SENP7: variants seen among roughly 807,000 people sequenced by gnomAD.
The protein encoded by SENP7 is sentrin-specific protease 7.
Under a neutral mutation model 141.2 loss-of-function variants are expected in SENP7, and 64 were observed. That is an observed-to-expected ratio of 0.45 (90% confidence interval 0.37 to 0.56). The LOEUF (loss-of-function observed/expected upper bound fraction) is 0.56. Ranked by LOEUF, SENP7 falls within the 20% of genes least tolerant of loss-of-function variation. The probability of loss-of-function intolerance (pLI) is 0.00; values close to 1 mark genes in which losing one functional copy is unlikely to be tolerated. For missense variants in SENP7, 1,025 were observed against 1,212.2 expected (o/e 0.85, Z 2.29); for synonymous variants, 382 against 426.4 (o/e 0.90, Z 1.28).
intron 4 of SENP7, among the ~76,000 whole-genome samples, chr3:101,427,144 G>C (rs1052712432): frequency 6.6e-6 from 1 of 152,024 alleles, no homozygotes; most frequent in Non-Finnish European, 1.5e-5. Context: ...TATTCATCAC[G>C]ATCAAGCAGG....
At chr3:101,337,375 C>A (rs1216256991) in intron 17 of SENP7, 134 bp downstream of exon 17, 1 of 521,556 alleles carries the variant, frequency 1.9e-6, no homozygotes, top group Non-Finnish European at 3.2e-6. Context: ...GCTCTCATGG[C>A]AAACAGACCC....
At chr3:101,410,365 G>A (rs1210823870) in intron 5 of SENP7, among the ~76,000 whole-genome samples, 1 of 152,116 alleles carries the variant, frequency 6.6e-6, no homozygotes, top group Admixed American at 6.5e-5. Flanking sequence ...GGAAAACAGT[G>A]CGGAGATTCC....
chr3:101,428,123 A>T (rs1361586969), intron 4 of SENP7, among the ~76,000 whole-genome samples: 1 of 152,116 alleles, frequency 6.6e-6, no homozygotes, highest in African/African-American at 2.4e-5. Flanking sequence ...TGGTTCCAAG[A>T]CTTTATTATT....
chr3:101,493,236 T>C (rs1242031638), intron 3 of SENP7, among the ~76,000 whole-genome samples: 1 of 152,098 alleles, frequency 6.6e-6, no homozygotes, highest in Non-Finnish European at 1.5e-5. Context: ...CTGGGGCCTT[T>C]CAGAGGTTGG....
chr3:101,347,427 A>C (rs1294308843), intron 13 of SENP7: 1 of 152,218 alleles, frequency 6.6e-6, no homozygotes, highest in African/African-American at 2.4e-5. Context: ...CCTAAAATTA[A>C]GAAACAAAAT....
chr3:101,379,504 A>G (rs1393984544), intron 6 of SENP7, among the ~76,000 whole-genome samples: 1 of 152,190 alleles, frequency 6.6e-6, no homozygotes, highest in Non-Finnish European at 1.5e-5. Context: ...AAAAAATCCA[A>G]TTCAAAAGCA....
At chr3:101,345,100 C>G (rs1434790554) in intron 13 of SENP7, among the ~76,000 whole-genome samples, 2 of 148,448 alleles carry the variant, frequency 1.3e-5, no homozygotes, top group African/African-American at 2.5e-5. Context: ...CAGTACCATA[C>G]TGTTTTGGTG....
chr3:101,472,844 T>C (rs1047821165), intron 3 of SENP7, among the ~76,000 whole-genome samples: 4 of 152,066 alleles, frequency 2.6e-5, no homozygotes, highest in Non-Finnish European at 4.4e-5. Flanking sequence ...TTATACAGAA[T>C]ATTTATGACC....
chr3:101,399,232 G>A (rs181591816), intron 5 of SENP7, among the ~76,000 whole-genome samples, 177 bp from the exon 6 acceptor site: 6 of 152,216 alleles, frequency 3.9e-5, no homozygotes, highest in Admixed American at 3.3e-4. Flanking sequence ...ACAATCTTTT[G>A]GTTTATAGAA....
chr3:101,421,584 G>T lies in SENP7; in HGVS notation c.285-3794C>A, dbSNP rs532146495. On this transcript the variant is annotated intron_variant, in intron 4 of 23. Transcript: ENST00000394095. ...CTCAGACCAAATAAGAATTTATATTGGAAAATAACAAATCATTGGTAATTT... is the reference window on the plus strand; with the variant it reads ...CTCAGACCAAATAAGAATTTATATTTGAAAATAACAAATCATTGGTAATTT... Among the ~76,000 whole-genome samples the T allele has an allele frequency of 7.2e-5, 11 of 152,102 alleles. No individual in the cohort carries two copies. In the South Asian group the frequency reaches 2.3e-3, roughly 32 times the overall value.
At chr3:101,360,242 T>C (rs746588131) in intron 11 of SENP7, among the ~76,000 whole-genome samples, 3 of 152,182 alleles carry the variant, frequency 2.0e-5, no homozygotes, top group Non-Finnish European at 4.4e-5. Flanking sequence ...CACAAACTAC[T>C]ATTATTTGCA....
chr3:101,361,535 AG>A (rs1164708263), intron 11 of SENP7, among the ~76,000 whole-genome samples, 179 bp downstream of exon 11: 1 of 152,102 alleles, frequency 6.6e-6, no homozygotes, highest in Non-Finnish European at 1.5e-5. Flanking sequence ...GTAGGATTTT[AG>A]GAGGGGAGAA....
chr3:101,329,508 G>T (rs1378144017), intron 20 of SENP7, among the ~76,000 whole-genome samples: 1 of 152,026 alleles, frequency 6.6e-6, no homozygotes, highest in Non-Finnish European at 1.5e-5. Flanking sequence ...TCATTAAGTG[G>T]CAATCTTAAT....
chr3:101,344,194 A>C (rs1021946058), intron 13 of SENP7, among the ~76,000 whole-genome samples: 4 of 152,236 alleles, frequency 2.6e-5, no homozygotes, highest in African/African-American at 9.6e-5. Flanking sequence ...ACTGATTGCT[A>C]TATCTGCAGT....
chr3:101,369,181 TAA>T (rs1483972551), intron 7 of SENP7, among the ~76,000 whole-genome samples: 8 of 152,226 alleles, frequency 5.3e-5, no homozygotes, highest in Admixed American at 5.2e-4. Flanking sequence ...CCTAATTGAC[TAA>T]AAGTTATCCT....
intron 4 of SENP7, among the ~76,000 whole-genome samples, chr3:101,452,977 G>A: frequency 6.6e-6 from 1 of 152,086 alleles, no homozygotes; most frequent in East Asian, 1.9e-4. Context: ...CTGACAGAGG[G>A]CTAATATCCA....
At chr3:101,363,470 T>C (rs2059953667) in intron 10 of SENP7, among the ~76,000 whole-genome samples, 1 of 152,200 alleles carries the variant, frequency 6.6e-6, no homozygotes. Flanking sequence ...ATTGGCTGCT[T>C]GGTTGTGATT....
chr3:101,367,822 CT>C lies in SENP7; in HGVS notation c.978+7del. 2.6e-6 allele frequency: 4 copies of C among 1,535,352 alleles called. No individual in the cohort carries two copies. The highest frequency in any genetic ancestry group is 3.6e-6 in the Non-Finnish European group (4 of 1,122,906). On this transcript the variant is annotated splice_region_variant and intron_variant, in intron 8 of 23. Transcript: ENST00000394095. ...TATTTCCTATAATATCTAAATACCT[CT>C]ACTTACTGTCTGTTCTGTTGACTTA...
intron 12 of SENP7, among the ~76,000 whole-genome samples, chr3:101,350,359 C>T (rs1318337806): frequency 6.6e-6 from 1 of 152,004 alleles, no homozygotes; most frequent in Non-Finnish European, 1.5e-5. Flanking sequence ...TCAATTTTTC[C>T]CCAGCTGCAC....
Sources: allele counts gnomAD v4.1 joint callset (sites outside exome capture counted in the v4.1 genomes callset), GRCh38; gene constraint gnomAD v4.1.1; transcripts MANE v1.5; gene names NCBI Gene and HGNC (gene_info 2026-07-23, HGNC 2026-07-21).